Variants in CADM4 observed in about 807,000 individuals in gnomAD.
CADM4 encodes TSLC1-like 2.
CADM4 carries 13 observed loss-of-function variants against 43.9 expected under a neutral mutation model. The observed-to-expected ratio is 0.30, with a 90% CI of 0.19 to 0.47. CADM4 has a LOEUF of 0.47. CADM4 is among the 20% of genes least tolerant of loss of function. The pLI is 1.00. For missense variants in CADM4, 420 were observed against 527.0 expected, an observed-to-expected ratio of 0.80 and a Z score of 1.99; for synonymous variants, 209 against 220.9, an observed-to-expected ratio of 0.95 and a Z score of 0.48.
rs1478701490 is a variant in CADM4, at chr19:43,627,106, GAAGA to G, written c.364+56_364+59del. On this transcript the variant is annotated intron_variant, in intron 3 of 8. Coordinates refer to ENST00000222374, the MANE Select transcript of CADM4 (RefSeq NM_145296.2). The surrounding 1 kb of genome is among the most constrained non-coding windows in gnomAD (Gnocchi z 4.0). ...TAGCCATGGTCTGAAAGTCTCAGGA[GAAGA>G]GAGAAGCAGAGAAGAAAGGAGGAGA... The G allele has an allele frequency of 2.6e-6, 4 of 1,513,634 alleles. No homozygotes were observed. Among genetic ancestry groups the G allele is most frequent in the East Asian group, 4.7e-5 (2 of 42,878 alleles). The allele number at this position is 1,513,634 out of a possible 1,614,324, so 93.8% of individuals were successfully genotyped here. A position where few individuals can be genotyped will look rare whatever the true frequency, so the allele number is the denominator to read the frequency against.
chr19:43,641,240 T>C (rs151018644), upstream of CADM4, among the ~76,000 whole-genome samples: 40 of 152,364 alleles, frequency 2.6e-4, no homozygotes, highest in African/African-American at 9.4e-4. Context: ...AGTGCTGGAT[T>C]ACAGGCGTGA....
chr19:43,626,821 G>A lies in CADM4; in HGVS notation c.462C>T (p.Ala154=). Residue 154 remains alanine, a synonymous_variant, in exon 4 of 9, where the codon GCC becomes GCT. Transcript: ENST00000222374. This position sits in a 1 kb window ranked among gnomAD's most constrained non-coding sequence, Gnocchi z 5.9. ...TGCGGTCCCGGTACCAGCGCAGGGT[G>A]GCAGCCGGACGGGACCGCGGAACGA... is the stretch of plus-strand genomic sequence containing the variant. ...SCLVPRSRPA[A]TLRWYRDRKE... 6.2e-7 allele frequency: 1 copy of A among 1,609,882 alleles called. No homozygotes were observed. Among genetic ancestry groups the A allele is most frequent in the Non-Finnish European group, 8.5e-7 (1 of 1,177,714 alleles).
intron 7 of CADM4, among the ~76,000 whole-genome samples, 171 bp from the exon 8 acceptor site, chr19:43,624,413 T>C (rs890826340): frequency 2.0e-5 from 3 of 152,192 alleles, no homozygotes; most frequent in African/African-American, 7.2e-5. Flanking sequence ...CAGATGCTTG[T>C]TGGTTTGTAC....
At position 43,625,267 on chromosome 19, in the gene CADM4, T is replaced by C. The variant is rs1025718463; in HGVS notation, c.756-17A>G. On this transcript the variant is annotated splice_polypyrimidine_tract_variant and intron_variant, in intron 6 of 8. Transcript: ENST00000222374. This position sits in a 1 kb window ranked among gnomAD's most constrained non-coding sequence, Gnocchi z 4.5. Reference sequence around the variant, plus strand: ...TGGTTTGGCCTGGGTGGGGATAAAGTATAGTGAGAGTTAGGAACCGAGGTG... The same window carrying C: ...TGGTTTGGCCTGGGTGGGGATAAAGCATAGTGAGAGTTAGGAACCGAGGTG... The C allele has an allele frequency of 1.2e-6, 2 of 1,603,990 alleles. No homozygotes were observed. The highest frequency in any genetic ancestry group is 1.7e-6 in the Non-Finnish European group (2 of 1,173,326).
Position 43,623,072 on chromosome 19 carries a change from G to C in CADM4, c.*258C>G, listed in dbSNP as rs2146131918. ...ATCTTCCCCCAACCCAATCCCTACT[G>C]CCCTCACTGGACTTGGGGGGTCTGG... On this transcript the variant is annotated 3_prime_UTR_variant, in exon 9 of 9. Transcript: ENST00000222374. The surrounding 1 kb of genome is among the most constrained non-coding windows in gnomAD (Gnocchi z 4.4). 5.3e-6 allele frequency: 2 copies of C among 375,822 alleles called. No individual in the cohort carries two copies. Among genetic ancestry groups the C allele is most frequent in the African/African-American group, 4.4e-5 (2 of 45,426 alleles). The allele number at this position is 375,822 out of a possible 1,614,324, so 23.3% of individuals were successfully genotyped here.
Position 43,626,201 on chromosome 19 carries a change from A to G in CADM4, c.587T>C (p.Ile196Thr), listed in dbSNP as rs1973524043. The change falls in exon 5 of 9, where the codon ATC becomes ACC. Residue 196 changes from isoleucine (I) to threonine (T), a missense_variant. Physicochemically the swap from Ile to Thr is moderately conservative, Grantham distance 89. Transcript: ENST00000222374. This position sits in a 1 kb window ranked among gnomAD's most constrained non-coding sequence, Gnocchi z 5.9. ...FRVDRKDDGG[I>T]IICEAQNQAL... is the part of the protein sequence containing the mutation. ...CTGGTTCTGCGCCTCACAGATGATG[A>G]TACCACCGTCGTCCTTACGGTCCAC... is the stretch of plus-strand genomic sequence containing the variant. The G allele has an allele frequency of 1.2e-6, 2 of 1,613,794 alleles. No individual in the cohort carries two copies. Among genetic ancestry groups the G allele is most frequent in the Non-Finnish European group, 1.7e-6 (2 of 1,179,980 alleles).
At chr19:43,638,147 A>G (rs1221194020) in intron 1 of CADM4, among the ~76,000 whole-genome samples, 1 of 152,238 alleles carries the variant, frequency 6.6e-6, no homozygotes, top group African/African-American at 2.4e-5. Context: ...GAAGAAAGAA[A>G]GACAGTGAGA....
Position 43,627,677 on chromosome 19 carries a change from C to T in CADM4, c.178G>A (p.Ala60Thr). 1 of 1,614,036 alleles carries T rather than the reference C, an allele frequency of 6.2e-7. No homozygotes were observed. Among genetic ancestry groups the T allele is most frequent in the Admixed American group, 1.7e-5 (1 of 60,006 alleles). ...CCATTGAAGAAGAGGGTCTGCCGGG[C>T]TGGGTTCTGGATGACAACTATGGAC... ...DGSIVVIQNP[A>T]RQTLFFNGTR... The change falls in exon 2 of 9, where the codon GCC becomes ACC. Residue 60 changes from alanine (A) to threonine (T), a missense_variant. By Grantham distance (58) the Ala-to-Thr change is moderately conservative. Coordinates refer to ENST00000222374, the MANE Select transcript of CADM4 (RefSeq NM_145296.2). This position sits in a 1 kb window ranked among gnomAD's most constrained non-coding sequence, Gnocchi z 4.0.
rs959241905 is a variant in CADM4, at chr19:43,623,872, A to G, written c.1057+242T>C. Among the ~76,000 whole-genome samples, 1 of 152,252 alleles carries G rather than the reference A, an allele frequency of 6.6e-6. No homozygotes were observed. The highest frequency in any genetic ancestry group is 1.5e-5 in the Non-Finnish European group (1 of 68,020). ...CGCCTTGGCCTCCCAACGTGCTGGG[A>G]TTACAGGCGTGAGCCACCGCGCCCA... On this transcript the variant is annotated intron_variant, in intron 8 of 8. Transcript: ENST00000222374. This position sits in a 1 kb window ranked among gnomAD's most constrained non-coding sequence, Gnocchi z 4.4.
chr19:43,635,033 G>A (rs1190609194), intron 1 of CADM4, among the ~76,000 whole-genome samples: 4 of 151,356 alleles, frequency 2.6e-5, no homozygotes, highest in Non-Finnish European at 5.9e-5. Context: ...CCCTCTCCTA[G>A]CTTAGACACA....
chr19:43,637,821 T>A (rs968265228), intron 1 of CADM4, among the ~76,000 whole-genome samples: 1 of 152,146 alleles, frequency 6.6e-6, no homozygotes, highest in Non-Finnish European at 1.5e-5. Context: ...ATTTCACGAT[T>A]TTTAAGACGT....
Position 43,627,828 on chromosome 19 carries a change from C to T in CADM4, c.65-38G>A. On this transcript the variant is annotated intron_variant, in intron 1 of 8. Transcript: ENST00000222374. This position sits in a 1 kb window ranked among gnomAD's most constrained non-coding sequence, Gnocchi z 4.0. ...ACAAAGAGACAGGATAGAAGACTTA[C>T]TGAGAGCTGCAATTCAATTTTTTCT... is the stretch of plus-strand genomic sequence containing the variant. 4 of 1,576,976 alleles carry T rather than the reference C, an allele frequency of 2.5e-6. No homozygotes were observed. The highest frequency in any genetic ancestry group is 3.5e-6 in the Non-Finnish European group (4 of 1,152,310).
In CADM4 at chr19:43,627,596, C is replaced by T. The variant is rs778715699; in HGVS notation, c.211+48G>A. 1.3e-6 allele frequency: 2 copies of T among 1,576,078 alleles called. No homozygotes were observed. The highest frequency in any genetic ancestry group is 2.7e-5 in the African/African-American group (2 of 74,130). ...TTTCAGGACATGGGAGCCTGGGCCC[C>T]AGCCCTCTCTTCCTTTAAGACTCCT... On this transcript the variant is annotated intron_variant, in intron 2 of 8. Coordinates refer to ENST00000222374, the MANE Select transcript of CADM4 (RefSeq NM_145296.2). This position sits in a 1 kb window ranked among gnomAD's most constrained non-coding sequence, Gnocchi z 4.0.
intron 1 of CADM4, among the ~76,000 whole-genome samples, chr19:43,637,231 C>T (rs552085731): frequency 6.6e-6 from 1 of 152,212 alleles, no homozygotes; most frequent in East Asian, 1.9e-4. Context: ...CAAATGCACC[C>T]CATCTCCCCC....
In CADM4 at chr19:43,623,457, C is replaced by A; in HGVS notation, c.1058-18G>T. ...ATAGGAACCTGAGGGGGTGACAGAC[C>A]CCCGGGGCAGGGGGGACATATTTGT... On this transcript the variant is annotated intron_variant, in intron 8 of 8. Transcript: ENST00000222374. The surrounding 1 kb of genome is among the most constrained non-coding windows in gnomAD (Gnocchi z 4.4). 3.2e-6 allele frequency: 5 copies of A among 1,542,448 alleles called. No homozygotes were observed. Among genetic ancestry groups the A allele is most frequent in the Non-Finnish European group, 4.5e-6 (5 of 1,114,930 alleles).
At position 43,627,619 on chromosome 19, in the gene CADM4, C is replaced by T. The variant is rs780607433; in HGVS notation, c.211+25G>A. 1 of 1,604,130 alleles carries T rather than the reference C, an allele frequency of 6.2e-7. No individual in the cohort carries two copies. Among genetic ancestry groups the T allele is most frequent in the African/African-American group, 1.3e-5 (1 of 74,702 alleles). On this transcript the variant is annotated intron_variant, in intron 2 of 8. Coordinates refer to ENST00000222374, the MANE Select transcript of CADM4 (RefSeq NM_145296.2). This position sits in a 1 kb window ranked among gnomAD's most constrained non-coding sequence, Gnocchi z 4.0. ...CCCAGCCCTCTCTTCCTTTAAGACT[C>T]CTGAGTCTGGTCCCCAGCACTCACC...
Position 43,627,493 on chromosome 19 carries a change from G to T in CADM4, c.211+151C>A. 1 of 1,176,822 alleles carries T rather than the reference G, an allele frequency of 8.5e-7. No homozygotes were observed. Among genetic ancestry groups the T allele is most frequent in the Non-Finnish European group, 1.2e-6 (1 of 856,682 alleles). The allele number at this position is 1,176,822 out of a possible 1,614,324, so 72.9% of individuals were successfully genotyped here. On this transcript the variant is annotated intron_variant, in intron 2 of 8. Coordinates refer to ENST00000222374, the MANE Select transcript of CADM4 (RefSeq NM_145296.2). The surrounding 1 kb of genome is among the most constrained non-coding windows in gnomAD (Gnocchi z 4.0). Reference sequence around the variant, plus strand: ...GACCCAGCATTATTCAAGTCCTCCTGCCTGCAGGACCAGCAGTCCGGGACC... The same window carrying T: ...GACCCAGCATTATTCAAGTCCTCCTTCCTGCAGGACCAGCAGTCCGGGACC...
In CADM4 at chr19:43,639,793, TGCCGCCGCC is replaced by T. The variant is rs775584890; in HGVS notation, c.-12_-4del. 560 of 997,240 alleles carry T rather than the reference TGCCGCCGCC, an allele frequency of 5.6e-4. No homozygotes were observed. Among genetic ancestry groups the T allele is most frequent in the Non-Finnish European group, 6.3e-4 (528 of 842,610 alleles). The allele number at this position is 997,240 out of a possible 1,614,324, so 61.8% of individuals were successfully genotyped here. ...TGGAAGCGCCGGGCCCGGCCCATGG[TGCCGCCGCC>T]GCCGCCGCCGCCGCTCGCTCCCGGC... On this transcript the variant is annotated 5_prime_UTR_variant, in exon 1 of 9. Coordinates refer to ENST00000222374, the MANE Select transcript of CADM4 (RefSeq NM_145296.2).
chr19:43,640,187 C>G (rs1279884359), upstream of CADM4, among the ~76,000 whole-genome samples: 1 of 126,884 alleles, frequency 7.9e-6, no homozygotes, highest in Non-Finnish European at 1.7e-5. Context: ...TTGCGCTGCG[C>G]GGAGGGGAGG....
Sources: allele counts gnomAD v4.1 joint callset (sites outside exome capture counted in the v4.1 genomes callset), GRCh38; gene constraint gnomAD v4.1.1; non-coding constraint Gnocchi (gnomAD v3.1); transcripts MANE v1.5; gene names NCBI Gene and HGNC (gene_info 2026-07-23, HGNC 2026-07-21).